DLG2: variants seen among roughly 807,000 people sequenced by gnomAD.
DLG2 encodes discs large MAGUK scaffold protein 2.
DLG2 carries 45 observed loss-of-function variants against 132.5 expected under a neutral mutation model. The observed-to-expected ratio is 0.34, with a 90% CI of 0.27 to 0.44. The LOEUF is 0.44. Among genes scored for constraint, DLG2 ranks in the 20% least tolerant of loss-of-function variants. The probability of loss-of-function intolerance (pLI) is 1.00; values close to 1 mark genes in which losing one functional copy is unlikely to be tolerated. For synonymous variants in DLG2, 424 were observed against 419.6 expected (o/e 1.01, Z -0.13); for missense variants, 1,045 against 1,196.9 (o/e 0.87, Z 1.87).
chr11:83,480,038 C>G (rs1164246685), intron 22 of DLG2, among the ~76,000 whole-genome samples: 9 of 151,982 alleles, frequency 5.9e-5, no homozygotes, highest in African/African-American at 1.9e-4. Context: ...CTGAGAGTTT[C>G]AATTATTTTG....
In DLG2 at chr11:84,058,156, A is replaced by G. The variant is rs148269867; in HGVS notation, c.919+1159T>C. Reference sequence around the variant, plus strand: ...AAGAGATGGTAGGCTTATTTTTTCAATCTCATATAGCATTAGAGATTAAAT... The same window carrying G: ...AAGAGATGGTAGGCTTATTTTTTCAGTCTCATATAGCATTAGAGATTAAAT... On this transcript the variant is annotated intron_variant, in intron 11 of 27. Coordinates refer to ENST00000376104, the MANE Select transcript of DLG2 (RefSeq NM_001142699.3). 9.9e-4 allele frequency among the ~76,000 whole-genome samples: 151 copies of G among 152,232 alleles called. 1 individual carries two copies. The East Asian group carries it at 0.017, about 17-fold the overall frequency.
intron 18 of DLG2, among the ~76,000 whole-genome samples, chr11:83,669,597 A>G (rs2076492461): frequency 6.6e-6 from 1 of 152,198 alleles, no homozygotes; most frequent in Non-Finnish European, 1.5e-5. Context: ...CCCTTAATAT[A>G]ATGGCCTATG....
intron 4 of DLG2, among the ~76,000 whole-genome samples, chr11:85,181,488 C>G (rs2079700502): frequency 6.6e-6 from 1 of 151,576 alleles, no homozygotes; most frequent in Non-Finnish European, 1.5e-5. Flanking sequence ...CTCTGAAAAG[C>G]CCAATACTTT....
chr11:85,519,693 A>T (rs915715965), intron 3 of DLG2, among the ~76,000 whole-genome samples: 3 of 152,114 alleles, frequency 2.0e-5, no homozygotes, highest in Non-Finnish European at 4.4e-5. Flanking sequence ...AAGATTTGGG[A>T]GGGGTCAGGG....
intron 3 of DLG2, among the ~76,000 whole-genome samples, chr11:85,339,790 A>G (rs945727923): frequency 2.6e-5 from 4 of 152,234 alleles, no homozygotes; most frequent in African/African-American, 9.6e-5. Context: ...ACAAATTTAC[A>G]AGGAAAAAGC....
chr11:84,176,574 A>C (rs2095974915), intron 8 of DLG2, among the ~76,000 whole-genome samples: 4 of 152,008 alleles, frequency 2.6e-5, no homozygotes, highest in Non-Finnish European at 4.4e-5. Flanking sequence ...TTTTTCAAAG[A>C]AAAATGTAGA....
At chr11:84,136,104 A>G (rs1242235241) in intron 9 of DLG2, among the ~76,000 whole-genome samples, 1 of 152,172 alleles carries the variant, frequency 6.6e-6, no homozygotes, top group Non-Finnish European at 1.5e-5. Flanking sequence ...AGAATGTTCT[A>G]GATATCCACA....
At chr11:83,511,063 C>T (rs1333873988) in intron 21 of DLG2, among the ~76,000 whole-genome samples, 3 of 146,580 alleles carry the variant, frequency 2.0e-5, no homozygotes, top group Non-Finnish European at 4.5e-5. Context: ...GTCTTCCTCT[C>T]ACTTGCTCAA....
chr11:83,701,317 G>C (rs1287299313), intron 18 of DLG2, among the ~76,000 whole-genome samples: 2 of 151,940 alleles, frequency 1.3e-5, no homozygotes, highest in African/African-American at 2.4e-5. Flanking sequence ...TACCTTATAG[G>C]GATGTTATGA....
chr11:84,699,499 G>T (rs1293691784), intron 6 of DLG2, among the ~76,000 whole-genome samples: 1 of 151,476 alleles, frequency 6.6e-6, no homozygotes, highest in Non-Finnish European at 1.5e-5. Context: ...ACTGAAGAGT[G>T]ACTAATCCTA....
intron 6 of DLG2, among the ~76,000 whole-genome samples, chr11:84,989,024 TA>T (rs1277832135): frequency 2.0e-5 from 3 of 151,542 alleles, no homozygotes; most frequent in African/African-American, 7.3e-5. Context: ...AAGATAAACA[TA>T]AAAAAAATTA....
chr11:84,429,516 G>A (rs1218522176), intron 7 of DLG2, among the ~76,000 whole-genome samples: 2 of 152,100 alleles, frequency 1.3e-5, no homozygotes, highest in Non-Finnish European at 2.9e-5. Flanking sequence ...GTTCATTTAG[G>A]ACCTTATAGA....
chr11:85,399,062 G>C (rs1174387053), intron 3 of DLG2, among the ~76,000 whole-genome samples: 1 of 152,140 alleles, frequency 6.6e-6, no homozygotes, highest in Non-Finnish European at 1.5e-5. Flanking sequence ...TCCTTAAGCT[G>C]ATAAGCAACT....
At chr11:84,929,308 C>A (rs1566426733) in intron 6 of DLG2, among the ~76,000 whole-genome samples, 2 of 151,826 alleles carry the variant, frequency 1.3e-5, no homozygotes, top group South Asian at 4.1e-4. Context: ...CAAAACAATT[C>A]TTTTATATAT....
chr11:84,966,922 T>G (rs2053428808), intron 6 of DLG2, among the ~76,000 whole-genome samples: 1 of 151,986 alleles, frequency 6.6e-6, no homozygotes. Context: ...GGAAATCCAG[T>G]AATTAAACTG....
intron 6 of DLG2, among the ~76,000 whole-genome samples, chr11:84,586,317 T>A (rs2099529832): frequency 6.6e-6 from 1 of 152,222 alleles, no homozygotes. Flanking sequence ...TATATCATGA[T>A]CTTCTTTAAC....
At chr11:84,768,009 G>A (rs1300832770) in intron 6 of DLG2, among the ~76,000 whole-genome samples, 5 of 152,096 alleles carry the variant, frequency 3.3e-5, no homozygotes, top group Non-Finnish European at 7.4e-5. Context: ...CAATAAAGAG[G>A]AGGACTCAAT....
chr11:84,908,562 A>G (rs1354621018), intron 6 of DLG2, among the ~76,000 whole-genome samples: 1 of 152,044 alleles, frequency 6.6e-6, no homozygotes, highest in Non-Finnish European at 1.5e-5. Flanking sequence ...CAGATTTTTA[A>G]GGCTTTGATT....
intron 7 of DLG2, among the ~76,000 whole-genome samples, chr11:84,301,844 C>T (rs972949067): frequency 6.6e-6 from 1 of 151,998 alleles, no homozygotes; most frequent in African/African-American, 2.4e-5. Context: ...AATCCCATTA[C>T]TGGGTATATA....
Sources: allele counts gnomAD v4.1 joint callset (sites outside exome capture counted in the v4.1 genomes callset), GRCh38; gene constraint gnomAD v4.1.1; transcripts MANE v1.5; gene names NCBI Gene and HGNC (gene_info 2026-07-23, HGNC 2026-07-21).